The following SLC24A2 variants were observed in gnomAD, a reference collection of about 807,000 sequenced individuals.
SLC24A2 encodes the protein sodium/potassium/calcium exchanger 2.
Under a neutral mutation model 62.0 loss-of-function variants are expected in SLC24A2, and 36 were observed. That is an observed-to-expected ratio of 0.58 (90% CI 0.44 to 0.77). The LOEUF is 0.77. Ranked by LOEUF, SLC24A2 falls within the 30% of genes least tolerant of loss-of-function variation. The probability of loss-of-function intolerance (pLI) is 0.00; values close to 1 mark genes in which losing one functional copy is unlikely to be tolerated. For synonymous variants in SLC24A2, 358 were observed against 294.0 expected (o/e 1.22, Z -2.23); for missense variants, 846 against 817.9 (o/e 1.03, Z -0.42).
rs1004330966 is a variant in SLC24A2 at position 19,508,583 on chromosome 9, A to G, written c.*7570T>C. ...CAAAGCAGGAGGATCTCTTGAGCCC[A>G]GGAGTTTGAGACCAGCCTGGGTAAC... On this transcript the variant is annotated 3_prime_UTR_variant, in exon 11 of 11. Coordinates refer to ENST00000341998, the MANE Select transcript of SLC24A2 (RefSeq NM_020344.4). The G allele has an allele frequency of 1.3e-5, 2 of 152,170 alleles. No homozygotes were observed. The highest frequency in any genetic ancestry group is 4.8e-5 in the African/African-American group (2 of 41,444). The allele number at this position is 152,170 out of a possible 1,614,324, so 9.4% of individuals were successfully genotyped here.
the SLC24A2 span, among the ~76,000 whole-genome samples, chr9:20,094,745 T>C: frequency 6.6e-6 from 1 of 152,280 alleles, no homozygotes; most frequent in Admixed American, 6.5e-5. Flanking sequence ...AATGTGTCAA[T>C]GTTTGGAAGA....
At chr9:19,730,953 C>A (rs571774892) in intron 2 of SLC24A2, among the ~76,000 whole-genome samples, 14 of 151,964 alleles carry the variant, frequency 9.2e-5, no homozygotes, top group African/African-American at 3.4e-4. Flanking sequence ...AGCACCTGAC[C>A]TACTTAAAAC....
intron 2 of SLC24A2, among the ~76,000 whole-genome samples, chr9:19,698,386 G>A (rs1820254780): frequency 6.6e-6 from 1 of 152,126 alleles, no homozygotes; most frequent in African/African-American, 2.4e-5. Flanking sequence ...CATTATATAT[G>A]TATATGTAGA....
chr9:20,205,214 AG>A, the SLC24A2 span, among the ~76,000 whole-genome samples: 1,300 of 152,270 alleles, frequency 8.5e-3, 23 homozygotes, highest in Admixed American at 0.029. Context: ...GTACACGCAA[AG>A]CATTTCTCCC....
the SLC24A2 span, among the ~76,000 whole-genome samples, chr9:20,168,903 A>G: frequency 6.6e-6 from 1 of 152,046 alleles, no homozygotes; most frequent in Non-Finnish European, 1.5e-5. Flanking sequence ...TTTGTTCGCC[A>G]ATGTTCATAC....
At chr9:19,527,326 A>C (rs1483710147) in intron 9 of SLC24A2, among the ~76,000 whole-genome samples, 1 of 152,170 alleles carries the variant, frequency 6.6e-6, no homozygotes, top group African/African-American at 2.4e-5. Flanking sequence ...TACCAACTTT[A>C]AGCTTAACTT....
chr9:19,599,777 T>G lies in SLC24A2; in HGVS notation c.1079-2498A>C, dbSNP rs1836795722. ...TTGGCTGGGGTCCTACAGCCCATGA[T>G]GCCTCCTGGAACGTACCCTTGCCCA... On this transcript the variant is annotated intron_variant, in intron 4 of 10. Transcript: ENST00000341998. This position sits in a 1 kb window ranked among gnomAD's most constrained non-coding sequence, Gnocchi z 4.5. Among the ~76,000 whole-genome samples, 1 of 152,208 alleles carries G rather than the reference T, an allele frequency of 6.6e-6. No homozygotes were observed. Among genetic ancestry groups the G allele is most frequent in the African/African-American group, 2.4e-5 (1 of 41,454 alleles).
chr9:19,530,338 T>C (rs1405728565), intron 8 of SLC24A2, among the ~76,000 whole-genome samples: 2 of 152,100 alleles, frequency 1.3e-5, no homozygotes, highest in African/African-American at 4.8e-5. Flanking sequence ...CAACCAATGG[T>C]TGATTCTGGG....
chr9:20,257,469 T>C, the SLC24A2 span, among the ~76,000 whole-genome samples: 1 of 152,158 alleles, frequency 6.6e-6, no homozygotes, highest in Non-Finnish European at 1.5e-5. Flanking sequence ...GATTCATTAG[T>C]ACTGCAGAAA....
chr9:20,230,926 T>A, the SLC24A2 span, among the ~76,000 whole-genome samples: 2 of 152,202 alleles, frequency 1.3e-5, no homozygotes, highest in Admixed American at 6.5e-5. Flanking sequence ...TGTAAGGAAG[T>A]GATCCAGTCT....
At chr9:19,639,306 A>T (rs1393748530) in intron 2 of SLC24A2, among the ~76,000 whole-genome samples, 2 of 152,190 alleles carry the variant, frequency 1.3e-5, no homozygotes, top group Non-Finnish European at 2.9e-5. Context: ...TGCAATGGTG[A>T]CTTTTCAGGT....
At chr9:20,159,722 G>A in the SLC24A2 span, among the ~76,000 whole-genome samples, 1 of 151,444 alleles carries the variant, frequency 6.6e-6, no homozygotes, top group Non-Finnish European at 1.5e-5. Flanking sequence ...GATAATAAAA[G>A]ATTAAGTAAA....
Position 19,567,807 on chromosome 9 carries a change from C to G in SLC24A2, c.1347+5544G>C, listed in dbSNP as rs547839093. ...GCAGTTATTGGGAAAAGCTAGTGAT[C>G]GCTCAGCCATTTAAAAAGTCATATT... On this transcript the variant is annotated intron_variant, in intron 7 of 10. Coordinates refer to ENST00000341998, the MANE Select transcript of SLC24A2 (RefSeq NM_020344.4). 5.9e-5 allele frequency among the ~76,000 whole-genome samples: 9 copies of G among 151,856 alleles called. No homozygotes were observed. The South Asian group carries it at 8.3e-4, about 14-fold the overall frequency.
chr9:20,153,591 A>G, the SLC24A2 span, among the ~76,000 whole-genome samples: 1 of 151,896 alleles, frequency 6.6e-6, no homozygotes, highest in Non-Finnish European at 1.5e-5. Flanking sequence ...GAAGATAATA[A>G]ACAATCAAAA....
At chr9:19,837,043 ACT>A in the SLC24A2 span, among the ~76,000 whole-genome samples, 4 of 152,038 alleles carry the variant, frequency 2.6e-5, no homozygotes, top group African/African-American at 9.7e-5. Flanking sequence ...CATGCTAAAA[ACT>A]CTCAAAAAAT....
chr9:19,641,314 T>C (rs1006358897), intron 2 of SLC24A2, among the ~76,000 whole-genome samples: 1 of 152,212 alleles, frequency 6.6e-6, no homozygotes, highest in Non-Finnish European at 1.5e-5. Flanking sequence ...AGTTCTGAAT[T>C]TGTCTCCTCC....
chr9:19,893,658 C>T, the SLC24A2 span, among the ~76,000 whole-genome samples: 3 of 152,068 alleles, frequency 2.0e-5, no homozygotes, highest in Non-Finnish European at 2.9e-5. Context: ...TAGGAGGAAA[C>T]TGAGTCTCAG....
At chr9:20,136,949 A>T in the SLC24A2 span, among the ~76,000 whole-genome samples, 1 of 152,164 alleles carries the variant, frequency 6.6e-6, no homozygotes, top group African/African-American at 2.4e-5. Context: ...CAAATTGAGT[A>T]TGACTAGCAA....
At chr9:20,224,646 G>T in the SLC24A2 span, among the ~76,000 whole-genome samples, 1 of 151,828 alleles carries the variant, frequency 6.6e-6, no homozygotes. Flanking sequence ...TCAATTTAGG[G>T]GGAAAGGGAG....
Sources: allele counts gnomAD v4.1 joint callset (sites outside exome capture counted in the v4.1 genomes callset), GRCh38; gene constraint gnomAD v4.1.1; non-coding constraint Gnocchi (gnomAD v3.1); transcripts MANE v1.5; gene names NCBI Gene and HGNC (gene_info 2026-07-23, HGNC 2026-07-21).